MCHR2: variants seen among roughly 807,000 people sequenced by gnomAD.
MCHR2 encodes the protein melanin concentrating hormone receptor 2.
A neutral mutation model predicts 24.8 loss-of-function variants in MCHR2; 15 were observed. The observed-to-expected ratio is 0.60, with a 90% confidence interval of 0.40 to 0.93. The LOEUF (loss-of-function observed/expected upper bound fraction) is 0.93, where lower values mean the gene tolerates loss of function less well. Among genes scored for constraint, MCHR2 ranks in the 40% least tolerant of loss-of-function variants. MCHR2 has a pLI of 0.00. For synonymous variants in MCHR2, 151 were observed against 147.6 expected, an observed-to-expected ratio of 1.02 and a Z score of -0.17; for missense variants, 386 against 408.7, an observed-to-expected ratio of 0.94 and a Z score of 0.48.
At chr6:99,931,916 C>T (rs1049251802) in intron 5 of MCHR2, among the ~76,000 whole-genome samples, 3 of 152,200 alleles carry the variant, frequency 2.0e-5, no homozygotes, top group Non-Finnish European at 4.4e-5. Flanking sequence ...GCAGAAATCA[C>T]CCGTCTTCTG....
chr6:99,972,173 TG>T (rs1338850264), intron 1 of MCHR2, among the ~76,000 whole-genome samples: 5 of 152,254 alleles, frequency 3.3e-5, no homozygotes, highest in Admixed American at 1.3e-4. Flanking sequence ...AGAATTCAGC[TG>T]TGAATCCATC....
chr6:99,977,175 CT>C (rs1775567245), intron 1 of MCHR2, among the ~76,000 whole-genome samples: 1 of 152,192 alleles, frequency 6.6e-6, no homozygotes, highest in Admixed American at 6.5e-5. Flanking sequence ...TAATTTTCTT[CT>C]GTTCAAGCAA....
intron 2 of MCHR2, among the ~76,000 whole-genome samples, chr6:99,953,657 C>T (rs1191511484): frequency 2.0e-5 from 3 of 149,776 alleles, no homozygotes; most frequent in Admixed American, 1.3e-4. Flanking sequence ...ATCTTCCCCA[C>T]TAGAATATGA....
chr6:99,942,411 T>A (rs1172402486), intron 4 of MCHR2, among the ~76,000 whole-genome samples: 1 of 152,186 alleles, frequency 6.6e-6, no homozygotes, highest in Non-Finnish European at 1.5e-5. Context: ...TGTGTCTCTG[T>A]GTTTCTTAAA....
intron 1 of MCHR2, among the ~76,000 whole-genome samples, chr6:99,978,134 C>T (rs113766950): frequency 6.6e-6 from 1 of 152,150 alleles, no homozygotes; most frequent in Non-Finnish European, 1.5e-5. Context: ...CAATCAGAGA[C>T]AAGGTAGGTT....
intron 5 of MCHR2, among the ~76,000 whole-genome samples, chr6:99,927,745 A>G (rs1345122529): frequency 1.3e-5 from 2 of 152,098 alleles, no homozygotes; most frequent in African/African-American, 2.4e-5. Flanking sequence ...GACTGAGACA[A>G]TGGGGTTTTC....
At chr6:99,975,160 C>T (rs1000365063) in intron 1 of MCHR2, among the ~76,000 whole-genome samples, 5 of 152,178 alleles carry the variant, frequency 3.3e-5, no homozygotes, top group Non-Finnish European at 7.4e-5. Flanking sequence ...TGTTTTTTCC[C>T]TTCCCCTAGA....
At chr6:99,951,859 G>C (rs1406405746) in intron 2 of MCHR2, among the ~76,000 whole-genome samples, 1 of 152,096 alleles carries the variant, frequency 6.6e-6, no homozygotes, top group Non-Finnish European at 1.5e-5. Context: ...CGTAACCTCT[G>C]TTTCACGAAT....
Position 99,943,172 on chromosome 6 carries a change from A to G in MCHR2, c.393-29T>C, listed in dbSNP as rs1038937060. ...CAAAGGCAGTCAGGAAGAGTTTTGG[A>G]ACAATCAATAAAAGCACTGAGCTCC... is the stretch of plus-strand genomic sequence containing the variant. On this transcript the variant is annotated intron_variant, in intron 3 of 5. Coordinates refer to ENST00000281806, the MANE Select transcript of MCHR2 (RefSeq NM_001040179.2). 2.5e-6 allele frequency: 4 copies of G among 1,569,218 alleles called. No homozygotes were observed. The African/African-American group carries it at 5.4e-5, about 21-fold the overall frequency.
chr6:99,954,948 G>T (rs529332038), intron 2 of MCHR2, among the ~76,000 whole-genome samples: 1 of 152,076 alleles, frequency 6.6e-6, no homozygotes, highest in Non-Finnish European at 1.5e-5. Context: ...CCCTTCTGCA[G>T]GATATCTCAT....
chr6:99,942,364 A>G (rs1774787332), intron 4 of MCHR2, among the ~76,000 whole-genome samples: 1 of 151,598 alleles, frequency 6.6e-6, no homozygotes. Flanking sequence ...TATCACTCCA[A>G]TCTCCGCCTC....
At chr6:99,974,322 A>T (rs909660342) in intron 1 of MCHR2, among the ~76,000 whole-genome samples, 2 of 152,042 alleles carry the variant, frequency 1.3e-5, no homozygotes, top group Admixed American at 1.3e-4. Flanking sequence ...ATCTTCCAAC[A>T]CTGATACACT....
intron 5 of MCHR2, 58 bp from the exon 6 acceptor site, chr6:99,921,313 A>G: frequency 2.0e-6 from 3 of 1,502,860 alleles, no homozygotes; most frequent in Non-Finnish European, 2.7e-6. Context: ...TTATGGGGCA[A>G]TGTGTTCCTA....
chr6:99,981,222 A>G (rs1298738003), intron 1 of MCHR2, among the ~76,000 whole-genome samples: 2 of 152,236 alleles, frequency 1.3e-5, no homozygotes, highest in Non-Finnish European at 2.9e-5. Flanking sequence ...TTAACATAGC[A>G]ATCCTATGTC....
intron 1 of MCHR2, among the ~76,000 whole-genome samples, chr6:99,992,795 A>G (rs923718180): frequency 6.6e-6 from 1 of 152,200 alleles, no homozygotes; most frequent in African/African-American, 2.4e-5. Flanking sequence ...AAGTGAGGGC[A>G]TGTCTGCTCT....
intron 4 of MCHR2, 151 bp from the exon 5 acceptor site, chr6:99,934,668 G>T: frequency 1.5e-6 from 1 of 672,018 alleles, no homozygotes; most frequent in Non-Finnish European, 2.2e-6. Flanking sequence ...CAAGATCTTT[G>T]GTTGCTTTAT....
intron 5 of MCHR2, among the ~76,000 whole-genome samples, chr6:99,927,822 C>T (rs1039175442): frequency 2.0e-4 from 30 of 152,160 alleles, no homozygotes; most frequent in Non-Finnish European, 5.9e-5. Context: ...ATTGAATACA[C>T]TTTATTTCCT....
chr6:99,975,615 A>G (rs1775533962), intron 1 of MCHR2, among the ~76,000 whole-genome samples: 1 of 152,210 alleles, frequency 6.6e-6, no homozygotes, highest in Admixed American at 6.5e-5. Flanking sequence ...TAGTGAGATG[A>G]ACCCGGTGCC....
rs1241142759 is a variant in MCHR2, at chr6:99,918,979, A to G, written c.*1961T>C. 6.6e-6 allele frequency among the ~76,000 whole-genome samples: 1 copy of G among 152,176 alleles called. No individual in the cohort carries two copies. Among genetic ancestry groups the G allele is most frequent in the Non-Finnish European group, 1.5e-5 (1 of 68,028 alleles). Reference sequence around the variant, plus strand: ...ATTTTTCTGTATTAAAAAAACAATGAAAGTAAGCAATTGCTCTTCAATTAT... The same window carrying G: ...ATTTTTCTGTATTAAAAAAACAATGGAAGTAAGCAATTGCTCTTCAATTAT... On this transcript the variant is annotated 3_prime_UTR_variant, in exon 6 of 6. Coordinates refer to ENST00000281806, the MANE Select transcript of MCHR2 (RefSeq NM_001040179.2).
Sources: gnomAD v4.1 joint callset for allele counts (sites outside exome capture counted in the v4.1 genomes callset) on GRCh38, gnomAD v4.1.1 for gene constraint, MANE v1.5 for transcripts, NCBI Gene and HGNC (gene_info 2026-07-23, HGNC 2026-07-21) for gene names.